IPO11: variants seen among roughly 807,000 people sequenced by gnomAD.
IPO11 encodes the protein importin 11, also known as importin-11.
In IPO11, 66 loss-of-function variants were observed where a neutral mutation model predicts 143.2. That is an observed-to-expected ratio of 0.46 (90% CI 0.38 to 0.57). The LOEUF (loss-of-function observed/expected upper bound fraction) is 0.57, where lower values mean the gene tolerates loss of function less well. Among genes scored for constraint, IPO11 ranks in the 20% least tolerant of loss-of-function variants. The probability of loss-of-function intolerance (pLI) is 0.00; values close to 1 mark genes in which losing one functional copy is unlikely to be tolerated. For missense variants in IPO11, 1,026 were observed against 1,141.0 expected (o/e 0.90, Z 1.45); for synonymous variants, 385 against 377.8 (o/e 1.02, Z -0.22).
intron 3 of IPO11, among the ~76,000 whole-genome samples, chr5:62,444,902 A>T (rs1397502790): frequency 1.3e-5 from 2 of 151,088 alleles, no homozygotes; most frequent in African/African-American, 4.8e-5. Context: ...ATATATGTAT[A>T]TATATATAAA....
At chr5:62,439,994 CTGAG>C (rs2112137109) in intron 2 of IPO11, among the ~76,000 whole-genome samples, 1 of 152,284 alleles carries the variant, frequency 6.6e-6, no homozygotes, top group African/African-American at 2.4e-5. Flanking sequence ...TTGAGATAGA[CTGAG>C]TGAGATCCAC....
At chr5:62,534,442 A>AAT (rs947955517) in intron 22 of IPO11, among the ~76,000 whole-genome samples, 1 of 152,188 alleles carries the variant, frequency 6.6e-6, no homozygotes, top group Non-Finnish European at 1.5e-5. Flanking sequence ...AATTTAAAGG[A>AAT]ATATATATGT....
intron 27 of IPO11, chr5:62,579,954 G>A: frequency 1.3e-6 from 2 of 1,551,266 alleles, no homozygotes. Context: ...CTGTCCTTGG[G>A]AGTGGTACCT....
chr5:62,585,615 G>A (rs2112415905), intron 27 of IPO11, among the ~76,000 whole-genome samples: 1 of 152,232 alleles, frequency 6.6e-6, no homozygotes, highest in Non-Finnish European at 1.5e-5. Flanking sequence ...TTACTGAAAG[G>A]TATAAACTTT....
intron 27 of IPO11, among the ~76,000 whole-genome samples, chr5:62,590,416 CTTG>C (rs1239701813): frequency 2.0e-5 from 3 of 152,000 alleles, no homozygotes; most frequent in Non-Finnish European, 4.4e-5. Flanking sequence ...TGCCTAAAAA[CTTG>C]TTTAGTCTCT....
chr5:62,504,062 T>C (rs1741455074), intron 16 of IPO11, among the ~76,000 whole-genome samples: 2 of 152,112 alleles, frequency 1.3e-5, no homozygotes, highest in Admixed American at 1.3e-4. Context: ...TGAAAGAGAA[T>C]GAGATTATGT....
At position 62,529,540 on chromosome 5, in the gene IPO11, G is replaced by T. The variant is rs574193692; in HGVS notation, c.2013-1169G>T. Among the ~76,000 whole-genome samples the T allele has an allele frequency of 2.2e-3, 340 of 151,664 alleles. 1 individual carries two copies. Among genetic ancestry groups the T allele is most frequent in the Non-Finnish European group, 3.8e-3 (261 of 67,840 alleles). ...TGATCTACATTTTGTGATTCTTTTT[G>T]ATTTTATATCAGTGCTATGTTTAAC... is the stretch of plus-strand genomic sequence containing the variant. On this transcript the variant is annotated intron_variant, in intron 21 of 29. Coordinates refer to ENST00000325324, the MANE Select transcript of IPO11 (RefSeq NM_016338.5).
chr5:62,547,281 G>T (rs1366627967), intron 24 of IPO11, among the ~76,000 whole-genome samples: 1 of 152,010 alleles, frequency 6.6e-6, no homozygotes, highest in Non-Finnish European at 1.5e-5. Context: ...AAGGTTATAG[G>T]ACCTGGCATT....
intron 20 of IPO11, 38 bp downstream of exon 20, chr5:62,515,539 G>T (rs745537870): frequency 2.9e-6 from 4 of 1,358,570 alleles, no homozygotes; most frequent in Non-Finnish European, 3.0e-6. Context: ...TAGTTTAGTG[G>T]TTTTTAAAAA....
chr5:62,601,407 G>GA (rs1287013091), intron 28 of IPO11: 1 of 156,326 alleles, frequency 6.4e-6, no homozygotes, highest in East Asian at 1.8e-4. Flanking sequence ...AAATTATGGG[G>GA]AAAAATAAGT....
Position 62,503,544 on chromosome 5 carries a change from A to T in IPO11, c.1591-1123A>T, listed in dbSNP as rs143034941. ...TTCTACAGCAGCTAACACAGTGCCG[A>T]TGATAGTTCCTCATTGAATAGTTTT... On this transcript the variant is annotated intron_variant, in intron 16 of 29. Coordinates refer to ENST00000325324, the MANE Select transcript of IPO11 (RefSeq NM_016338.5). Among the ~76,000 whole-genome samples, 603 of 152,088 alleles carry T rather than the reference A, an allele frequency of 4.0e-3. 9 individuals carry two copies. The highest frequency in any genetic ancestry group is 0.014 in the African/African-American group (588 of 41,504).
chr5:62,429,738 C>G (rs1323771200), intron 1 of IPO11, among the ~76,000 whole-genome samples: 1 of 152,096 alleles, frequency 6.6e-6, no homozygotes, highest in East Asian at 1.9e-4. Flanking sequence ...ATTCTCCTGC[C>G]TCAGCCTCCC....
At chr5:62,598,281 G>A (rs1051313886) in intron 28 of IPO11, among the ~76,000 whole-genome samples, 2 of 152,078 alleles carry the variant, frequency 1.3e-5, no homozygotes, top group East Asian at 3.9e-4. Context: ...TACAGATTCA[G>A]GGTTCAATTA....
chr5:62,526,710 TAAAA>T (rs1412202878), intron 21 of IPO11: 2 of 153,384 alleles, frequency 1.3e-5, no homozygotes, highest in Admixed American at 6.5e-5. Context: ...ATTAAGAGGT[TAAAA>T]AAAATGCCCT....
chr5:62,547,624 A>G (rs1283565315), intron 24 of IPO11, among the ~76,000 whole-genome samples: 1 of 152,124 alleles, frequency 6.6e-6, no homozygotes, highest in African/African-American at 2.4e-5. Context: ...ACTCTGTTTT[A>G]TCCCTGAAAT....
chr5:62,435,892 G>C (rs1197481549), intron 1 of IPO11, among the ~76,000 whole-genome samples: 1 of 152,160 alleles, frequency 6.6e-6, no homozygotes, highest in East Asian at 1.9e-4. Flanking sequence ...AGCTGGGCTT[G>C]GTGGTGTGCG....
chr5:62,499,560 T>G (rs983021555), intron 16 of IPO11, among the ~76,000 whole-genome samples: 11 of 149,642 alleles, frequency 7.4e-5, no homozygotes, highest in African/African-American at 1.5e-4. Context: ...TAACCACATC[T>G]TACTCTAACT....
intron 5 of IPO11, among the ~76,000 whole-genome samples, chr5:62,452,721 GGGGTGTGTGT>G (rs1316175093): frequency 2.1e-5 from 2 of 96,694 alleles, no homozygotes; most frequent in African/African-American, 1.0e-4. Flanking sequence ...TGTTTTTGGT[GGGGTGTGTGT>G]GTGTGTGTGT....
chr5:62,581,264 A>T, intron 27 of IPO11: 1 of 1,537,638 alleles, frequency 6.5e-7, no homozygotes, highest in Non-Finnish European at 8.7e-7. Context: ...ATTGTTCCTG[A>T]AAATGAGGCA....
Sources: gnomAD v4.1 joint callset for allele counts (sites outside exome capture counted in the v4.1 genomes callset) on GRCh38, gnomAD v4.1.1 for gene constraint, MANE v1.5 for transcripts, NCBI Gene and HGNC (gene_info 2026-07-23, HGNC 2026-07-21) for gene names.